Variants in TRHDE observed in about 807,000 individuals in gnomAD.
TRHDE encodes thyrotropin releasing hormone degrading enzyme.
TRHDE carries 72 observed loss-of-function variants against 125.7 expected under a neutral mutation model. The ratio of observed to expected loss-of-function variants is 0.57; its 90% CI spans 0.47 to 0.70. The LOEUF (loss-of-function observed/expected upper bound fraction) is 0.70, where lower values mean the gene tolerates loss of function less well. Among genes scored for constraint, TRHDE ranks in the 30% least tolerant of loss-of-function variants. The pLI, the probability that TRHDE is intolerant of heterozygous loss-of-function variation, is 0.00. For missense variants in TRHDE, 1,110 were observed against 1,327.1 expected (o/e 0.84, Z 2.54); for synonymous variants, 509 against 509.1 (o/e 1.00, Z 0.00).
chr12:72,533,545 TA>T (rs1333847675), intron 6 of TRHDE, among the ~76,000 whole-genome samples: 7 of 152,148 alleles, frequency 4.6e-5, no homozygotes, highest in African/African-American at 9.6e-5. Context: ...ATTTTAGTTT[TA>T]AAAACTTTTT....
Position 72,253,512 on chromosome 12 carries a change from T to TA in TRHDE, n.280-124476dup, listed in dbSNP as rs1171621728. 3.3e-5 allele frequency: 5 copies of TA among 152,208 alleles called. No individual in the cohort carries two copies. In the East Asian group the frequency reaches 5.8e-4, roughly 18 times the overall value. 9.4% of individuals were successfully genotyped at this position (152,208 alleles called of 1,614,324 possible). On this transcript the variant is annotated intron_variant and non_coding_transcript_variant, in intron 2 of 4. Transcript: ENST00000548156. The stretch of plus-strand genomic sequence containing the variant: ...ATTAAGAATGACAGCTGTAGGTTTT[T>TA]AAAAAAATGAACTTTATTTTTTACA...
intron 15 of TRHDE, among the ~76,000 whole-genome samples, chr12:72,644,863 C>G (rs1484514388): frequency 6.6e-6 from 1 of 152,126 alleles, no homozygotes; most frequent in East Asian, 1.9e-4. Context: ...GAGGGGAGAA[C>G]AGAAGCAGTG....
At chr12:72,155,971 T>C (rs1028231011) in intron 2 of TRHDE, among the ~76,000 whole-genome samples, 4 of 152,216 alleles carry the variant, frequency 2.6e-5, no homozygotes, top group Admixed American at 2.6e-4. Flanking sequence ...GCCTTTTGTT[T>C]GGCTATGCCC....
At chr12:72,497,405 T>C (rs1592490871) in intron 5 of TRHDE, among the ~76,000 whole-genome samples, 1 of 152,174 alleles carries the variant, frequency 6.6e-6, no homozygotes, top group African/African-American at 2.4e-5. Context: ...TATTGATCAA[T>C]ATGTATTTAT....
intron 12 of TRHDE, among the ~76,000 whole-genome samples, chr12:72,618,573 G>A (rs1487270798): frequency 6.6e-6 from 1 of 152,012 alleles, no homozygotes; most frequent in Non-Finnish European, 1.5e-5. Context: ...TCAATTGCTT[G>A]TTAACCTCTG....
At chr12:72,473,869 A>G (rs1245422055) in intron 5 of TRHDE, among the ~76,000 whole-genome samples, 1 of 152,070 alleles carries the variant, frequency 6.6e-6, no homozygotes, top group East Asian at 1.9e-4. Context: ...CCCGGGGTAT[A>G]TATATGTTGT....
At chr12:72,305,396 C>T (rs943431704) in intron 2 of TRHDE, among the ~76,000 whole-genome samples, 1 of 152,204 alleles carries the variant, frequency 6.6e-6, no homozygotes, top group Non-Finnish European at 1.5e-5. Context: ...TATGATGGAA[C>T]ATTGCTGTTG....
intron 3 of TRHDE, among the ~76,000 whole-genome samples, chr12:72,431,048 T>C (rs950315541): frequency 6.6e-6 from 1 of 152,126 alleles, no homozygotes; most frequent in African/African-American, 2.4e-5. Context: ...TCAATTTTAT[T>C]TTTGGATTGC....
intron 6 of TRHDE, among the ~76,000 whole-genome samples, chr12:72,528,037 A>C (rs1275679310): frequency 1.3e-5 from 2 of 152,150 alleles, no homozygotes; most frequent in Non-Finnish European, 1.5e-5. Flanking sequence ...TTTTTGCATG[A>C]TAAACCACAT....
At chr12:72,159,995 T>A (rs1876600090) in intron 2 of TRHDE, among the ~76,000 whole-genome samples, 1 of 152,234 alleles carries the variant, frequency 6.6e-6, no homozygotes, top group South Asian at 2.1e-4. Context: ...TAAATCTAAT[T>A]GTGAAATTAT....
chr12:72,624,822 C>A, intron 15 of TRHDE, among the ~76,000 whole-genome samples: 1 of 151,586 alleles, frequency 6.6e-6, no homozygotes, highest in African/African-American at 2.4e-5. Flanking sequence ...AAGCACATTT[C>A]AAAAAGGAGA....
chr12:72,486,360 C>T (rs1877407387), intron 5 of TRHDE, among the ~76,000 whole-genome samples: 1 of 152,164 alleles, frequency 6.6e-6, no homozygotes, highest in South Asian at 2.1e-4. Context: ...TGCTTTGACT[C>T]CAAGTACCAC....
In TRHDE at chr12:72,499,782, T is replaced by A. The variant is rs2135936026; in HGVS notation, c.1722+147T>A. 3.5e-6 allele frequency: 3 copies of A among 868,946 alleles called. No homozygotes were observed. In the African/African-American group the frequency reaches 5.2e-5, roughly 15 times the overall value. 53.8% of individuals were successfully genotyped at this position (868,946 alleles called of 1,614,324 possible). A position where few individuals can be genotyped will look rare whatever the true frequency, so the allele number is the denominator to read the frequency against. On this transcript the variant is annotated intron_variant, in intron 6 of 18. Transcript: ENST00000261180. ...AAACAGAGTCACTAGGTTCGTGTCA[T>A]TTTATGAGCTACAGCTTTGCTTTAA...
chr12:72,335,933 G>T (rs1486671899), intron 2 of TRHDE, among the ~76,000 whole-genome samples: 1 of 152,184 alleles, frequency 6.6e-6, no homozygotes. Flanking sequence ...TAGTGAGCAA[G>T]TTGGATAATA....
chr12:72,623,637 T>A (rs1435037198), intron 15 of TRHDE, among the ~76,000 whole-genome samples: 2 of 152,056 alleles, frequency 1.3e-5, no homozygotes, highest in Non-Finnish European at 2.9e-5. Context: ...CAAGATAGAG[T>A]GTGAACACAA....
intron 1 of TRHDE, among the ~76,000 whole-genome samples, chr12:72,285,522 C>CTTTTTTTTTTT (rs370394091): frequency 7.6e-6 from 1 of 131,440 alleles, no homozygotes; most frequent in African/African-American, 2.8e-5. Flanking sequence ...TTTTTTTCTT[C>CTTTTTTTTTTT]TTTTTTTTTT....
At chr12:72,200,242 G>A (rs925225278) in intron 2 of TRHDE, among the ~76,000 whole-genome samples, 2 of 152,186 alleles carry the variant, frequency 1.3e-5, no homozygotes, top group African/African-American at 2.4e-5. Context: ...AAACAGGTTT[G>A]TGTAGTATAG....
intron 2 of TRHDE, among the ~76,000 whole-genome samples, chr12:72,371,579 C>T (rs1048189764): frequency 1.3e-5 from 2 of 151,032 alleles, no homozygotes; most frequent in Non-Finnish European, 2.9e-5. Flanking sequence ...GTGTGATGTT[C>T]CCCTTCCTGT....
intron 18 of TRHDE, among the ~76,000 whole-genome samples, chr12:72,661,349 G>C (rs948125500): frequency 6.6e-6 from 1 of 151,956 alleles, no homozygotes; most frequent in African/African-American, 2.4e-5. Flanking sequence ...GTTGCTAAAG[G>C]GTCATTTATG....
Sources: gnomAD v4.1 joint callset for allele counts (sites outside exome capture counted in the v4.1 genomes callset) on GRCh38, gnomAD v4.1.1 for gene constraint, MANE v1.5 for transcripts, NCBI Gene and HGNC (gene_info 2026-07-23, HGNC 2026-07-21) for gene names.